Variants in SOX5 observed in about 807,000 individuals in gnomAD.
SOX5 encodes the protein transcription factor SOX-5.
Under a neutral mutation model 92.0 loss-of-function variants are expected in SOX5, and 9 were observed. The observed-to-expected ratio is 0.10, with a 90% CI of 0.06 to 0.17. The LOEUF (loss-of-function observed/expected upper bound fraction) is 0.17, where lower values mean the gene tolerates loss of function less well. Among genes scored for constraint, SOX5 ranks in the 10% least tolerant of loss-of-function variants. SOX5 has a pLI of 1.00. For missense variants in SOX5, 642 were observed against 944.5 expected (o/e 0.68, Z 4.20); for synonymous variants, 344 against 336.3 (o/e 1.02, Z -0.25).
At chr12:23,704,687 C>CAT (rs376550773) in intron 6 of SOX5, among the ~76,000 whole-genome samples, 1,475 of 90,110 alleles carry the variant, frequency 0.016, 59 homozygotes, top group African/African-American at 0.039. Context: ...TATATGCATG[C>CAT]ATATATATAT....
intron 2 of SOX5, among the ~76,000 whole-genome samples, chr12:24,320,662 G>A (rs1216434212): frequency 6.6e-6 from 1 of 151,926 alleles, no homozygotes; most frequent in Non-Finnish European, 1.5e-5. Context: ...TCAGGAGATC[G>A]AGACCATCCT....
At chr12:24,421,848 T>C (rs879839902) in intron 1 of SOX5, among the ~76,000 whole-genome samples, 21 of 152,236 alleles carry the variant, frequency 1.4e-4, no homozygotes, top group Non-Finnish European at 1.2e-4. Flanking sequence ...CTGATTCTAA[T>C]GTTCCCTTCT....
Position 24,134,668 on chromosome 12 carries a change from T to C in SOX5, c.-2+78675A>G, listed in dbSNP as rs1007427611. 3.3e-5 allele frequency among the ~76,000 whole-genome samples: 5 copies of C among 152,296 alleles called. No homozygotes were observed. In the South Asian group the frequency reaches 8.3e-4, roughly 25 times the overall value. On this transcript the variant is annotated intron_variant, in intron 4 of 4. Coordinates refer to the SOX5 transcript ENST00000446891. ...TTCTCAGCACATCTCTATAGCTCTC[T>C]ATCTGTATTAAGAATGAACAATGGG...
intron 2 of SOX5, among the ~76,000 whole-genome samples, chr12:24,355,954 T>A (rs1023892440): frequency 6.6e-6 from 1 of 152,182 alleles, no homozygotes; most frequent in Admixed American, 6.5e-5. Flanking sequence ...AGCATTTTTT[T>A]AAAAAATAGA....
intron 4 of SOX5, among the ~76,000 whole-genome samples, chr12:24,041,920 T>C (rs551102040): frequency 6.6e-6 from 1 of 152,268 alleles, no homozygotes; most frequent in Non-Finnish European, 1.5e-5. Flanking sequence ...TATTTTAAAC[T>C]GAACTTTAAA....
intron 3 of SOX5, among the ~76,000 whole-genome samples, chr12:23,796,907 T>TTATATA (rs35601076): frequency 1.4e-5 from 2 of 144,284 alleles, no homozygotes; most frequent in Non-Finnish European, 3.0e-5. Flanking sequence ...ATATATATAT[T>TTATATA]TATATATATA....
intron 4 of SOX5, among the ~76,000 whole-genome samples, chr12:23,990,154 T>C (rs1354386955): frequency 3.3e-5 from 5 of 152,168 alleles, no homozygotes; most frequent in African/African-American, 9.6e-5. Context: ...GACTGAGCTA[T>C]AGATTATGGA....
intron 1 of SOX5, among the ~76,000 whole-genome samples, chr12:24,533,746 A>G (rs1374800839): frequency 6.6e-6 from 1 of 152,218 alleles, no homozygotes; most frequent in African/African-American, 2.4e-5. Flanking sequence ...GCTATTGTTT[A>G]AACACATTCA....
intron 1 of SOX5, among the ~76,000 whole-genome samples, chr12:24,374,746 G>A (rs1450942902): frequency 6.6e-6 from 1 of 152,138 alleles, no homozygotes; most frequent in Non-Finnish European, 1.5e-5. Flanking sequence ...GGACACAGAG[G>A]TCAACTCAAG....
chr12:24,316,270 T>C (rs1595505752), intron 2 of SOX5, among the ~76,000 whole-genome samples: 1 of 151,888 alleles, frequency 6.6e-6, no homozygotes, highest in Non-Finnish European at 1.5e-5. Flanking sequence ...GGGTGGAGGG[T>C]CTATCGTGAC....
At chr12:23,828,553 T>G (rs2096267960) in intron 3 of SOX5, among the ~76,000 whole-genome samples, 1 of 152,142 alleles carries the variant, frequency 6.6e-6, no homozygotes, top group Non-Finnish European at 1.5e-5. Flanking sequence ...TCTGTGCCAT[T>G]TTCAGTATTC....
At position 24,128,516 on chromosome 12, in the gene SOX5, G is replaced by A. The variant is rs139004049; in HGVS notation, c.-2+84827C>T. Among the ~76,000 whole-genome samples, 910 of 152,268 alleles carry A rather than the reference G, an allele frequency of 6.0e-3. 5 individuals carry two copies. The highest frequency in any genetic ancestry group is 9.0e-3 in the Non-Finnish European group (610 of 68,014). ...ATAGGGTAGCAAAAAAAGACCTCTC[G>A]AAACTTGATATTTTGGCTGAGACCT... On this transcript the variant is annotated intron_variant, in intron 4 of 4. Coordinates refer to the SOX5 transcript ENST00000446891.
chr12:23,970,841 A>ATATATT, intron 4 of SOX5, among the ~76,000 whole-genome samples: 1 of 21,874 alleles, frequency 4.6e-5, no homozygotes, highest in African/African-American at 1.2e-4. Context: ...TATATATATA[A>ATATATT]TTTTTTTTTT....
intron 2 of SOX5, among the ~76,000 whole-genome samples, chr12:24,336,423 C>T (rs536853297): frequency 6.6e-6 from 1 of 152,122 alleles, no homozygotes; most frequent in South Asian, 2.1e-4. Context: ...CAAAGTTCAG[C>T]ATAACACATC....
Position 23,804,173 on chromosome 12 carries a change from T to C in SOX5, c.481+41810A>G, listed in dbSNP as rs994465096. ...AAGCCTCAATACTCTCAAAATCTCA[T>C]GGAAGAAATAAATATTACAAGGAAT... On this transcript the variant is annotated intron_variant, in intron 3 of 14. Coordinates refer to ENST00000451604, the MANE Select transcript of SOX5 (RefSeq NM_006940.6). Among the ~76,000 whole-genome samples, 5 of 152,190 alleles carry C rather than the reference T, an allele frequency of 3.3e-5. No individual in the cohort carries two copies. The East Asian group carries it at 5.8e-4, about 18-fold the overall frequency.
chr12:24,273,267 G>A (rs939209047), intron 3 of SOX5, among the ~76,000 whole-genome samples: 1 of 152,096 alleles, frequency 6.6e-6, no homozygotes, highest in African/African-American at 2.4e-5. Flanking sequence ...TCAAAAAAAA[G>A]ATTAGACTTA....
At chr12:24,562,483 G>GGT (rs953517646) in exon 1 of SOX5, 125 of 151,358 alleles carry the variant, frequency 8.3e-4, no homozygotes, top group Middle Eastern at 3.4e-3. Context: ...CGTGTGTGCC[G>GGT]GTGTGTGTGT....
intron 4 of SOX5, among the ~76,000 whole-genome samples, chr12:24,116,840 A>G (rs1948058137): frequency 2.6e-5 from 4 of 152,160 alleles, no homozygotes. Flanking sequence ...AGTATTTAAA[A>G]TACTTGAAAA....
intron 4 of SOX5, among the ~76,000 whole-genome samples, chr12:24,150,568 G>A (rs1350482614): frequency 6.6e-6 from 1 of 152,024 alleles, no homozygotes; most frequent in Non-Finnish European, 1.5e-5. Context: ...AAAATAGAAG[G>A]TAAAACGCCC....
Sources: gnomAD v4.1 joint callset for allele counts (sites outside exome capture counted in the v4.1 genomes callset) on GRCh38, gnomAD v4.1.1 for gene constraint, MANE v1.5 for transcripts, NCBI Gene and HGNC (gene_info 2026-07-23, HGNC 2026-07-21) for gene names.